The following GALNTL6 variants were observed in gnomAD, a reference collection of about 807,000 sequenced individuals.
The protein encoded by GALNTL6 is polypeptide N-acetylgalactosaminyltransferase-like 6.
GALNTL6 carries 46 observed loss-of-function variants against 73.7 expected under a neutral mutation model. The ratio of observed to expected loss-of-function variants is 0.62; its 90% CI spans 0.49 to 0.80. The LOEUF (loss-of-function observed/expected upper bound fraction) is 0.80, where lower values mean the gene tolerates loss of function less well. GALNTL6 is among the 30% of genes least tolerant of loss of function. GALNTL6 has a pLI of 0.00. For missense variants in GALNTL6, 604 were observed against 755.0 expected (o/e 0.80, Z 2.34); for synonymous variants, 259 against 263.7 (o/e 0.98, Z 0.17).
chr4:171,989,928 C>T (rs1280280119), intron 2 of GALNTL6, among the ~76,000 whole-genome samples: 2 of 152,168 alleles, frequency 1.3e-5, no homozygotes, highest in South Asian at 2.1e-4. Flanking sequence ...GAGCATTAAC[C>T]TTGACTATGC....
intron 7 of GALNTL6, among the ~76,000 whole-genome samples, chr4:172,820,598 T>C (rs908772243): frequency 3.5e-4 from 54 of 152,176 alleles, no homozygotes; most frequent in African/African-American, 1.2e-3. Flanking sequence ...ACCTCTAAGT[T>C]TAATTAGATA....
chr4:171,942,241 G>A (rs397262), intron 2 of GALNTL6, among the ~76,000 whole-genome samples: 6 of 30,152 alleles, frequency 2.0e-4, no homozygotes, highest in Admixed American at 4.6e-4. Context: ...AAAATAAATA[G>A]ATAAATAAAT....
At chr4:171,853,103 T>C (rs1735569599) in intron 2 of GALNTL6, among the ~76,000 whole-genome samples, 1 of 149,816 alleles carries the variant, frequency 6.7e-6, no homozygotes, top group Non-Finnish European at 1.5e-5. Flanking sequence ...GACCTCGTGA[T>C]CCGCCCGCTT....
intron 2 of GALNTL6, among the ~76,000 whole-genome samples, chr4:171,820,936 A>G (rs1487095580): frequency 1.3e-5 from 2 of 152,172 alleles, no homozygotes; most frequent in African/African-American, 4.8e-5. Context: ...TCCAGAGAAA[A>G]TTATAATAAT....
chr4:172,636,074 G>T (rs776418022), intron 5 of GALNTL6, among the ~76,000 whole-genome samples: 8 of 152,058 alleles, frequency 5.3e-5, no homozygotes, highest in African/African-American at 1.9e-4. Flanking sequence ...AAGGACCAAG[G>T]AGTCCTGGAA....
chr4:172,903,647 T>A (rs1022868021), intron 8 of GALNTL6, among the ~76,000 whole-genome samples: 3 of 152,208 alleles, frequency 2.0e-5, no homozygotes. Context: ...GCCCAGTAAT[T>A]GGAGTAAAAC....
intron 5 of GALNTL6, among the ~76,000 whole-genome samples, chr4:172,427,833 C>A: frequency 6.6e-6 from 1 of 152,100 alleles, no homozygotes; most frequent in African/African-American, 2.4e-5. Context: ...AAGATACCAT[C>A]TTAACAGATA....
intron 5 of GALNTL6, among the ~76,000 whole-genome samples, chr4:172,712,363 A>G (rs1015863346): frequency 6.6e-6 from 1 of 152,124 alleles, no homozygotes; most frequent in African/African-American, 2.4e-5. Flanking sequence ...ACGTATGTAT[A>G]CATGTGCCAT....
intron 5 of GALNTL6, among the ~76,000 whole-genome samples, chr4:172,351,075 A>G (rs1456001391): frequency 1.3e-5 from 2 of 152,134 alleles, no homozygotes; most frequent in South Asian, 2.1e-4. Context: ...GCTCTCAGCT[A>G]TTGATTTCTA....
chr4:171,904,253 T>G (rs1737200674), intron 2 of GALNTL6, among the ~76,000 whole-genome samples: 1 of 151,848 alleles, frequency 6.6e-6, no homozygotes, highest in Admixed American at 6.6e-5. Flanking sequence ...TGAAAAAAAT[T>G]TAGAAGAATG....
chr4:172,053,293 A>C (rs1448924674), intron 2 of GALNTL6, among the ~76,000 whole-genome samples: 3 of 152,070 alleles, frequency 2.0e-5, no homozygotes, highest in Non-Finnish European at 4.4e-5. Context: ...TAAAAAAAAC[A>C]CAATAATACA....
At chr4:172,806,120 C>T (rs1382039342) in intron 5 of GALNTL6, among the ~76,000 whole-genome samples, 1 of 152,012 alleles carries the variant, frequency 6.6e-6, no homozygotes, top group East Asian at 1.9e-4. Flanking sequence ...ACTGATGATA[C>T]CTGCCTTCAT....
chr4:172,259,763 C>A (rs1327637313), intron 3 of GALNTL6, among the ~76,000 whole-genome samples: 1 of 151,544 alleles, frequency 6.6e-6, no homozygotes, highest in Non-Finnish European at 1.5e-5. Flanking sequence ...AGTCTTTGAT[C>A]CATCTTGAGT....
At chr4:172,159,940 G>C (rs1009612089) in intron 2 of GALNTL6, among the ~76,000 whole-genome samples, 1 of 152,100 alleles carries the variant, frequency 6.6e-6, no homozygotes, top group Non-Finnish European at 1.5e-5. Flanking sequence ...ATGGGTAGAG[G>C]TTAGAAATGA....
intron 2 of GALNTL6, among the ~76,000 whole-genome samples, chr4:171,914,588 G>A (rs1193982904): frequency 6.6e-6 from 1 of 151,394 alleles, no homozygotes. Context: ...CCCAATTTTT[G>A]TATTTTTAGT....
intron 5 of GALNTL6, among the ~76,000 whole-genome samples, chr4:172,765,543 C>T (rs959361067): frequency 7.4e-5 from 8 of 108,032 alleles, no homozygotes; most frequent in African/African-American, 4.1e-4. Context: ...TGTCCATACT[C>T]TGAGTAGTCA....
chr4:172,305,444 ATATTTAAAGAAAGATG>A (rs1740096415), intron 3 of GALNTL6, among the ~76,000 whole-genome samples: 1 of 152,162 alleles, frequency 6.6e-6, no homozygotes, highest in South Asian at 2.1e-4. Flanking sequence ...ACTAATTCTC[ATATTTAAAGAAAGATG>A]CTGTATTGAT....
intron 2 of GALNTL6, among the ~76,000 whole-genome samples, chr4:172,099,122 CA>C: frequency 1.3e-5 from 2 of 152,062 alleles, no homozygotes; most frequent in Non-Finnish European, 2.9e-5. Flanking sequence ...ACAGACTTCT[CA>C]AAAAATGCTG....
chr4:172,777,993 T>C (rs1739162652), intron 5 of GALNTL6, among the ~76,000 whole-genome samples: 1 of 152,260 alleles, frequency 6.6e-6, no homozygotes, highest in Non-Finnish European at 1.5e-5. Context: ...CATTGTCTTG[T>C]TATTTATTGT....
Sources: allele counts gnomAD v4.1 joint callset (sites outside exome capture counted in the v4.1 genomes callset), GRCh38; gene constraint gnomAD v4.1.1; transcripts MANE v1.5; gene names NCBI Gene and HGNC (gene_info 2026-07-23, HGNC 2026-07-21).